The following SORL1-AS1 variants were observed in gnomAD, a reference collection of about 807,000 sequenced individuals.
The protein encoded by SORL1-AS1 is lncRNA 51 A.
At chr11:121,445,676 T>C (rs1860713203), downstream of SORL1-AS1, among the ~76,000 whole-genome samples, 1 of 151,770 alleles carries the variant, frequency 6.6e-6, no homozygotes, top group African/African-American at 2.4e-5. Context: ...CCGTTCCAAC[T>C]TCCACACACA....
downstream of SORL1-AS1, chr11:121,447,242 G>A (rs933487687): frequency 5.9e-5 from 9 of 151,268 alleles, no homozygotes; most frequent in African/African-American, 1.9e-4. Context: ...TGATCTAGAA[G>A]TTCAGGAAGT....
chr11:121,442,641 TTTTATTTATTTATTTATTTA>T (rs369945985), downstream of SORL1-AS1, among the ~76,000 whole-genome samples: 11 of 127,588 alleles, frequency 8.6e-5, no homozygotes, highest in East Asian at 6.8e-4. Flanking sequence ...TCTCTCTCTC[TTTTATTTATTTATTTATTTA>T]TTTATTTATT....
chr11:121,447,048 T>C (rs1860733791), downstream of SORL1-AS1, among the ~76,000 whole-genome samples: 1 of 152,206 alleles, frequency 6.6e-6, no homozygotes, highest in Admixed American at 6.5e-5. Context: ...GTTCCTCTCA[T>C]TCACTTCAAA....
chr11:121,452,295 T>C lies in SORL1-AS1; in HGVS notation n.339+380A>G, dbSNP rs1860809400. On this transcript the variant is annotated intron_variant and non_coding_transcript_variant, in intron 1 of 1. Transcript: ENST00000501964. The surrounding 1 kb of genome is among the most constrained non-coding windows in gnomAD (Gnocchi z 5.3). ...TGGCCTCGCGCTGCACATTCTCTCC[T>C]GGCGGCGGCGCCACCTGCAGTAGCG... is the stretch of plus-strand genomic sequence containing the variant. 1 of 1,461,976 alleles carries C rather than the reference T, an allele frequency of 6.8e-7. No homozygotes were observed. The highest frequency in any genetic ancestry group is 9.0e-7 in the Non-Finnish European group (1 of 1,105,346). 90.6% of individuals were successfully genotyped at this position (1,461,976 alleles called of 1,614,324 possible). A position where few individuals can be genotyped will look rare whatever the true frequency, so the allele number is the denominator to read the frequency against.
the SORL1-AS1 span, among the ~76,000 whole-genome samples, chr11:121,439,233 T>C: frequency 6.6e-6 from 1 of 152,080 alleles, no homozygotes; most frequent in Admixed American, 6.5e-5. Flanking sequence ...CTCTCTAACA[T>C]TTGGTACTGT....
chr11:121,451,657 T>C (rs1164197935), intron 1 of SORL1-AS1, among the ~76,000 whole-genome samples: 1 of 152,206 alleles, frequency 6.6e-6, no homozygotes, highest in Non-Finnish European at 1.5e-5. Flanking sequence ...CTGGGGCACG[T>C]AGCTTGATCA....
downstream of SORL1-AS1, among the ~76,000 whole-genome samples, chr11:121,447,175 A>G (rs1482111766): frequency 3.3e-5 from 5 of 152,134 alleles, no homozygotes; most frequent in Non-Finnish European, 7.4e-5. Flanking sequence ...ACATAATTAT[A>G]AGAAACTTCT....
downstream of SORL1-AS1, among the ~76,000 whole-genome samples, chr11:121,445,154 G>A (rs938247084): frequency 6.6e-6 from 1 of 152,200 alleles, no homozygotes; most frequent in Non-Finnish European, 1.5e-5. Flanking sequence ...TGGGAATGAT[G>A]ATTTTAACAG....
At chr11:121,439,675 T>A in the SORL1-AS1 span, among the ~76,000 whole-genome samples, 559 of 152,208 alleles carry the variant, frequency 3.7e-3, 6 homozygotes, top group African/African-American at 0.013. Flanking sequence ...TGAGTTCAGA[T>A]CCAATCCTGG....
At chr11:121,440,543 T>C in the SORL1-AS1 span, among the ~76,000 whole-genome samples, 3 of 152,204 alleles carry the variant, frequency 2.0e-5, no homozygotes, top group Admixed American at 6.5e-5. Context: ...TCCTGATTCA[T>C]AGAAACCAGA....
At chr11:121,451,956 G>A (rs896207658) in intron 1 of SORL1-AS1, among the ~76,000 whole-genome samples, 1 of 152,174 alleles carries the variant, frequency 6.6e-6, no homozygotes, top group Non-Finnish European at 1.5e-5. Flanking sequence ...AAACGAGCGA[G>A]CCCCATGCAA....
chr11:121,446,974 A>G (rs751942090), downstream of SORL1-AS1, among the ~76,000 whole-genome samples: 4 of 152,212 alleles, frequency 2.6e-5, no homozygotes, highest in Admixed American at 1.3e-4. Flanking sequence ...AAAGGCCTCA[A>G]GGGAAGAAGA....
downstream of SORL1-AS1, among the ~76,000 whole-genome samples, chr11:121,442,640 CTTTT>C (rs1199469215): frequency 3.7e-5 from 5 of 133,690 alleles, no homozygotes; most frequent in East Asian, 2.1e-4. Context: ...GTCTCTCTCT[CTTTT>C]ATTTATTTAT....
downstream of SORL1-AS1, among the ~76,000 whole-genome samples, chr11:121,443,043 A>G (rs970105906): frequency 6.6e-6 from 1 of 152,062 alleles, no homozygotes; most frequent in Admixed American, 6.6e-5. Flanking sequence ...GCTAGAGGAC[A>G]TGAAGACGTG....
chr11:121,447,416 G>A (rs1384187372), exon 2 of SORL1-AS1: 1 of 151,254 alleles, frequency 6.6e-6, no homozygotes, highest in South Asian at 2.1e-4. Flanking sequence ...GGGCTCAAGC[G>A]ATCCTCCCCA....
At chr11:121,444,317 T>G (rs1230834536), downstream of SORL1-AS1, among the ~76,000 whole-genome samples, 1 of 152,236 alleles carries the variant, frequency 6.6e-6, no homozygotes, top group African/African-American at 2.4e-5. Context: ...CATCATTAGC[T>G]AAACAAGTTT....
the SORL1-AS1 span, among the ~76,000 whole-genome samples, chr11:121,442,035 G>C: frequency 6.6e-6 from 1 of 152,198 alleles, no homozygotes; most frequent in Non-Finnish European, 1.5e-5. Flanking sequence ...TTGATAGACA[G>C]AGTAGCTGCC....
chr11:121,443,715 T>C (rs994241424), downstream of SORL1-AS1, among the ~76,000 whole-genome samples: 5 of 152,240 alleles, frequency 3.3e-5, no homozygotes, highest in Non-Finnish European at 5.9e-5. Flanking sequence ...GAGAACATCA[T>C]GTACATTTGA....
exon 2 of SORL1-AS1, chr11:121,447,908 C>A (rs1860743637): frequency 6.6e-6 from 1 of 152,218 alleles, no homozygotes; most frequent in East Asian, 1.9e-4. Flanking sequence ...CTAATTCCCG[C>A]TGTTCCACTA....
Sources: allele counts gnomAD v4.1 joint callset (sites outside exome capture counted in the v4.1 genomes callset), GRCh38; gene constraint gnomAD v4.1.1; non-coding constraint Gnocchi (gnomAD v3.1); transcripts MANE v1.5; gene names NCBI Gene and HGNC (gene_info 2026-07-23, HGNC 2026-07-21).